Variants in PCCA observed in about 807,000 individuals in gnomAD.
PCCA encodes the protein propionyl-CoA carboxylase alpha chain, mitochondrial.
PCCA carries 74 observed loss-of-function variants against 101.3 expected under a neutral mutation model. That is an observed-to-expected ratio of 0.73 (90% CI 0.61 to 0.89). The LOEUF is 0.89. PCCA is among the 40% of genes least tolerant of loss of function. The pLI, the probability that PCCA is intolerant of heterozygous loss-of-function variation, is 0.00. For missense variants in PCCA, 891 were observed against 907.0 expected, an observed-to-expected ratio of 0.98 and a Z score of 0.23; for synonymous variants, 294 against 313.6, an observed-to-expected ratio of 0.94 and a Z score of 0.66.
chr13:100,126,218 T>A (rs2152312652), intron 4 of PCCA, among the ~76,000 whole-genome samples: 1 of 152,312 alleles, frequency 6.6e-6, no homozygotes, highest in African/African-American at 2.4e-5. Flanking sequence ...AACCTCAGAT[T>A]TCCTTATATG....
At chr13:100,219,697 C>T (rs1028342299) in intron 7 of PCCA, among the ~76,000 whole-genome samples, 3 of 152,168 alleles carry the variant, frequency 2.0e-5, no homozygotes, top group African/African-American at 7.2e-5. Context: ...GAAAATTCGT[C>T]TTGTGAGTTG....
At chr13:100,157,207 C>A in intron 5 of PCCA, 80 bp from the exon 6 acceptor site, 1 of 906,072 alleles carries the variant, frequency 1.1e-6, no homozygotes, top group Non-Finnish European at 1.8e-6. Context: ...AATATTAATA[C>A]ATAAATGCAC....
intron 21 of PCCA, among the ~76,000 whole-genome samples, chr13:100,514,791 T>C (rs1054578546): frequency 6.6e-6 from 1 of 152,234 alleles, no homozygotes; most frequent in African/African-American, 2.4e-5. Flanking sequence ...TTTCTCATTA[T>C]CTTGCATCTT....
At chr13:100,123,908 A>G (rs2049689328) in intron 4 of PCCA, among the ~76,000 whole-genome samples, 1 of 152,162 alleles carries the variant, frequency 6.6e-6, no homozygotes, top group South Asian at 2.1e-4. Context: ...ATTTTTAGGT[A>G]TCTCAGAGAA....
intron 8 of PCCA, among the ~76,000 whole-genome samples, chr13:100,241,244 T>A (rs969134193): frequency 9.2e-5 from 14 of 152,130 alleles, no homozygotes; most frequent in African/African-American, 3.4e-4. Context: ...AGTATGTACT[T>A]CTTATTTTCT....
chr13:100,467,142 G>A (rs970893748), intron 21 of PCCA, among the ~76,000 whole-genome samples: 3 of 152,156 alleles, frequency 2.0e-5, no homozygotes, highest in Non-Finnish European at 2.9e-5. Context: ...TATCAGAAGA[G>A]CAGCTGTAGG....
At chr13:100,422,119 T>TTCC (rs1567109583) in intron 19 of PCCA, among the ~76,000 whole-genome samples, 18 of 82,200 alleles carry the variant, frequency 2.2e-4, no homozygotes, top group East Asian at 4.3e-4. Context: ...TCTTTCTTTC[T>TTCC]TTTCTTTCTT....
At chr13:100,460,887 G>A (rs894414077) in intron 21 of PCCA, among the ~76,000 whole-genome samples, 1 of 152,150 alleles carries the variant, frequency 6.6e-6, no homozygotes, top group Non-Finnish European at 1.5e-5. Context: ...AGCTTAGCAG[G>A]AAGGTATGTA....
chr13:100,196,756 T>A (rs1421122592), intron 6 of PCCA, among the ~76,000 whole-genome samples: 1 of 152,164 alleles, frequency 6.6e-6, no homozygotes, highest in Non-Finnish European at 1.5e-5. Flanking sequence ...ATCGTGTGGG[T>A]TTATAAGTTT....
chr13:100,131,583 C>T (rs557659205), intron 4 of PCCA, among the ~76,000 whole-genome samples: 5 of 152,170 alleles, frequency 3.3e-5, no homozygotes, highest in South Asian at 2.1e-4. Context: ...GTTCTGGAAA[C>T]GGGTGGTGGC....
At chr13:100,096,039 G>T (rs559688646) in intron 1 of PCCA, among the ~76,000 whole-genome samples, 1 of 152,290 alleles carries the variant, frequency 6.6e-6, no homozygotes, top group Non-Finnish European at 1.5e-5. Flanking sequence ...GAACTGGTCA[G>T]ACTTGGAATG....
chr13:100,278,573 G>A lies in PCCA; in HGVS notation c.1065+5227G>A, dbSNP rs908706146. ...CTCGGCCTGCAAACCTCCGCCTCCCGGGTTCAGGCAATTCTCCTGCCTTAG... is the reference window on the plus strand; with the variant it reads ...CTCGGCCTGCAAACCTCCGCCTCCCAGGTTCAGGCAATTCTCCTGCCTTAG... On this transcript the variant is annotated intron_variant, in intron 12 of 23. Transcript: ENST00000376285. Among the ~76,000 whole-genome samples the A allele has an allele frequency of 4.6e-5, 7 of 151,522 alleles. No individual in the cohort carries two copies. In the South Asian group the frequency reaches 6.3e-4, roughly 14 times the overall value.
chr13:100,323,877 G>C (rs1040890435), intron 16 of PCCA, among the ~76,000 whole-genome samples: 1 of 152,098 alleles, frequency 6.6e-6, no homozygotes, highest in African/African-American at 2.4e-5. Flanking sequence ...CTAAAGCTTT[G>C]AGAGGTTAAC....
At chr13:100,090,478 T>C (rs1368687482) in intron 1 of PCCA, among the ~76,000 whole-genome samples, 1 of 152,170 alleles carries the variant, frequency 6.6e-6, no homozygotes, top group Admixed American at 6.5e-5. Flanking sequence ...CATGAGGCTT[T>C]GTATATTGGA....
At chr13:100,129,520 C>T (rs1007726202) in intron 4 of PCCA, among the ~76,000 whole-genome samples, 4 of 152,188 alleles carry the variant, frequency 2.6e-5, no homozygotes, top group Non-Finnish European at 4.4e-5. Context: ...TCTCTCACCC[C>T]GGCCATTGCT....
At chr13:100,408,456 G>T (rs2077819242) in intron 19 of PCCA, among the ~76,000 whole-genome samples, 1 of 152,162 alleles carries the variant, frequency 6.6e-6, no homozygotes, top group Admixed American at 6.5e-5. Context: ...GAACTGAAAG[G>T]TATCACAGTT....
At chr13:100,108,320 C>T (rs2047995415) in intron 2 of PCCA, among the ~76,000 whole-genome samples, 1 of 152,200 alleles carries the variant, frequency 6.6e-6, no homozygotes, top group African/African-American at 2.4e-5. Context: ...CCTGAATTCT[C>T]ATCTATCTTC....
chr13:100,453,157 C>T (rs2081455732), intron 21 of PCCA, among the ~76,000 whole-genome samples: 1 of 152,046 alleles, frequency 6.6e-6, no homozygotes, highest in South Asian at 2.1e-4. Flanking sequence ...GCACTCCAGC[C>T]TGGGTGAGAG....
chr13:100,357,339 G>A (rs1409897731), intron 18 of PCCA, among the ~76,000 whole-genome samples: 2 of 152,132 alleles, frequency 1.3e-5, no homozygotes, highest in Admixed American at 1.3e-4. Context: ...TGGAGTCTTT[G>A]AGAATATTTC....
Sources: gnomAD v4.1 joint callset for allele counts (sites outside exome capture counted in the v4.1 genomes callset) on GRCh38, gnomAD v4.1.1 for gene constraint, MANE v1.5 for transcripts, NCBI Gene and HGNC (gene_info 2026-07-23, HGNC 2026-07-21) for gene names.